ELMO1: variants seen among roughly 807,000 people sequenced by gnomAD.
ELMO1 encodes engulfment and cell motility protein 1.
In ELMO1, 26 loss-of-function variants were observed where a neutral mutation model predicts 98.9. That is an observed-to-expected ratio of 0.26 (90% CI 0.19 to 0.36). The LOEUF is 0.36. ELMO1 is among the 10% of genes least tolerant of loss of function. The pLI is 1.00. For missense variants in ELMO1, 627 were observed against 935.2 expected (o/e 0.67, Z 4.30); for synonymous variants, 346 against 346.0 (o/e 1.00, Z 0.00).
intron 16 of ELMO1, among the ~76,000 whole-genome samples, chr7:36,931,277 T>C (rs1279485199): frequency 6.6e-6 from 1 of 152,248 alleles, no homozygotes; most frequent in Non-Finnish European, 1.5e-5. Flanking sequence ...GTGTAAGAAC[T>C]TGTGGCCTTA....
intron 14 of ELMO1, among the ~76,000 whole-genome samples, chr7:37,120,280 C>T (rs376010010): frequency 2.0e-4 from 30 of 152,242 alleles, no homozygotes; most frequent in Middle Eastern, 3.4e-3. Context: ...TGGGGATTGT[C>T]GGACAGTGGG....
At chr7:36,929,152 A>T (rs1360068816) in intron 16 of ELMO1, among the ~76,000 whole-genome samples, 3 of 152,196 alleles carry the variant, frequency 2.0e-5, no homozygotes, top group Non-Finnish European at 4.4e-5. Flanking sequence ...TAATGGGGTA[A>T]GCTTGGTCTA....
intron 2 of ELMO1, among the ~76,000 whole-genome samples, chr7:37,337,974 T>G (rs916539382): frequency 1.3e-5 from 2 of 152,204 alleles, no homozygotes; most frequent in Admixed American, 1.3e-4. Context: ...TGCCTCCCAC[T>G]TGTCTTTTAA....
At chr7:37,179,096 C>A (rs1790678765) in intron 13 of ELMO1, among the ~76,000 whole-genome samples, 1 of 152,064 alleles carries the variant, frequency 6.6e-6, no homozygotes, top group South Asian at 2.1e-4. Flanking sequence ...GTAAAGGGAA[C>A]AGGGTAACAC....
At chr7:37,149,113 C>G (rs1345403186) in intron 13 of ELMO1, among the ~76,000 whole-genome samples, 20 of 152,192 alleles carry the variant, frequency 1.3e-4, no homozygotes, top group Admixed American at 1.3e-3. Context: ...AGGAGCTGAT[C>G]AAGCTGCAGC....
chr7:37,270,389 T>A (rs993246906), intron 5 of ELMO1: 1 of 152,196 alleles, frequency 6.6e-6, no homozygotes, highest in Non-Finnish European at 1.5e-5. Context: ...GCCACACTAA[T>A]GTAATTTTCA....
At chr7:36,897,470 T>C (rs1806134177) in intron 16 of ELMO1, among the ~76,000 whole-genome samples, 1 of 152,042 alleles carries the variant, frequency 6.6e-6, no homozygotes, top group South Asian at 2.1e-4. Flanking sequence ...TGATAGTTTG[T>C]TCCTGTCACG....
chr7:37,417,009 A>C (rs907466369), intron 1 of ELMO1, among the ~76,000 whole-genome samples: 2 of 152,166 alleles, frequency 1.3e-5, no homozygotes, highest in Non-Finnish European at 2.9e-5. Context: ...TAAAAGCTAA[A>C]CCCCTACTGA....
chr7:37,267,874 T>A (rs1439611964), intron 5 of ELMO1, among the ~76,000 whole-genome samples: 1 of 152,208 alleles, frequency 6.6e-6, no homozygotes, highest in Non-Finnish European at 1.5e-5. Flanking sequence ...TTTTTTCCAA[T>A]GTTGTTTTTG....
intron 1 of ELMO1, among the ~76,000 whole-genome samples, chr7:37,370,397 G>A (rs570359076): frequency 6.6e-6 from 1 of 152,068 alleles, no homozygotes; most frequent in South Asian, 2.1e-4. Flanking sequence ...TATGGCTCCC[G>A]TGTTTAAGTA....
At chr7:37,161,967 C>T (rs1365092887) in intron 13 of ELMO1, among the ~76,000 whole-genome samples, 1 of 106,834 alleles carries the variant, frequency 9.4e-6, no homozygotes, top group African/African-American at 3.2e-5. Context: ...CACATCATCT[C>T]AAGTGAGGTG....
intron 1 of ELMO1, among the ~76,000 whole-genome samples, chr7:37,438,469 G>A (rs796315697): frequency 1.6e-4 from 24 of 151,692 alleles, no homozygotes; most frequent in African/African-American, 5.8e-4. Context: ...GCGTGGTGGC[G>A]GGAGCCTGTA....
intron 16 of ELMO1, among the ~76,000 whole-genome samples, chr7:36,935,592 T>C (rs1786458019): frequency 6.6e-6 from 1 of 152,172 alleles, no homozygotes; most frequent in Non-Finnish European, 1.5e-5. Context: ...AGGTGGGGCA[T>C]TCTCCCAGCA....
intron 16 of ELMO1, among the ~76,000 whole-genome samples, chr7:36,928,807 A>G (rs17170786): frequency 0.24 from 36,066 of 152,088 alleles, 4,714 homozygotes; most frequent in South Asian, 0.44. Context: ...GTCTTCTTCC[A>G]CTAGATTAAA....
rs761335432 is a variant in ELMO1 at position 37,342,592 on chromosome 7, C to T, written c.78+21G>A. On this transcript the variant is annotated intron_variant, in intron 2 of 21. Transcript: ENST00000310758. This position sits in a 1 kb window ranked among gnomAD's most constrained non-coding sequence, Gnocchi z 4.3. ...AGAAAGGAAACTGAAAATAGACACC[C>T]AATGCTGTCACGTTACTAACCTGAT... The T allele has an allele frequency of 6.2e-7, 1 of 1,611,200 alleles. No individual in the cohort carries two copies. The highest frequency in any genetic ancestry group is 8.5e-7 in the Non-Finnish European group (1 of 1,177,394).
rs1292182202 is a variant in ELMO1 at position 37,146,663 on chromosome 7, C to G, written c.1087-13429G>C. Among the ~76,000 whole-genome samples the G allele has an allele frequency of 2.0e-5, 3 of 152,278 alleles. No individual in the cohort carries two copies. The East Asian group carries it at 5.8e-4, about 29-fold the overall frequency. ...AGTAGCCTCTAGGAATCTTCAGATT[C>G]TGCTGTTGGTCCCTCTCCATATGTA... is the stretch of plus-strand genomic sequence containing the variant. On this transcript the variant is annotated intron_variant, in intron 13 of 21. Coordinates refer to ENST00000310758, the MANE Select transcript of ELMO1 (RefSeq NM_014800.11).
intron 14 of ELMO1, among the ~76,000 whole-genome samples, chr7:37,127,050 G>C (rs143329361): frequency 6.6e-6 from 1 of 152,196 alleles, no homozygotes; most frequent in Non-Finnish European, 1.5e-5. Context: ...GTTTGCTTCT[G>C]TCTCACTGTA....
At chr7:37,310,410 G>C (rs1798831381) in intron 4 of ELMO1, among the ~76,000 whole-genome samples, 1 of 151,700 alleles carries the variant, frequency 6.6e-6, no homozygotes, top group East Asian at 1.9e-4. Context: ...GGATGACAAG[G>C]CAATTTTCCT....
chr7:36,925,702 C>G (rs890343527), intron 16 of ELMO1, among the ~76,000 whole-genome samples: 3 of 152,174 alleles, frequency 2.0e-5, no homozygotes, highest in African/African-American at 4.8e-5. Flanking sequence ...TTTTAACAAG[C>G]AATTTTTAAA....
Sources: allele counts gnomAD v4.1 joint callset (sites outside exome capture counted in the v4.1 genomes callset), GRCh38; gene constraint gnomAD v4.1.1; non-coding constraint Gnocchi (gnomAD v3.1); transcripts MANE v1.5; gene names NCBI Gene and HGNC (gene_info 2026-07-23, HGNC 2026-07-21).